Variants in RIN2 observed in about 807,000 individuals in gnomAD.
The protein encoded by RIN2 is RAB5 interacting protein 2.
RIN2 carries 36 observed loss-of-function variants against 78.0 expected under a neutral mutation model. The ratio of observed to expected loss-of-function variants is 0.46; its 90% confidence interval spans 0.35 to 0.61. The LOEUF is 0.61. Among genes scored for constraint, RIN2 ranks in the 20% least tolerant of loss-of-function variants. The probability of loss-of-function intolerance (pLI) is 0.00; values close to 1 mark genes in which losing one functional copy is unlikely to be tolerated. For missense variants in RIN2, 1,087 were observed against 1,159.7 expected, an observed-to-expected ratio of 0.94 and a Z score of 0.91; for synonymous variants, 466 against 466.8, an observed-to-expected ratio of 1.00 and a Z score of 0.02.
intron 1 of RIN2, among the ~76,000 whole-genome samples, chr20:19,796,519 T>C (rs942470226): frequency 3.3e-5 from 5 of 152,096 alleles, no homozygotes; most frequent in African/African-American, 1.2e-4. Flanking sequence ...TTCTACAAAA[T>C]GTTTGTTTCT....
intron 3 of RIN2, among the ~76,000 whole-genome samples, chr20:19,901,935 G>A (rs961730437): frequency 2.7e-5 from 4 of 147,334 alleles, no homozygotes; most frequent in Admixed American, 7.0e-5. Flanking sequence ...AGAATCACTC[G>A]AACCCGGGAG....
At chr20:19,870,601 C>T (rs946568348) in intron 2 of RIN2, among the ~76,000 whole-genome samples, 10 of 152,110 alleles carry the variant, frequency 6.6e-5, no homozygotes, top group African/African-American at 1.4e-4. Context: ...GAGCCAAGAT[C>T]GCACCACTGC....
intron 2 of RIN2, chr20:19,886,582 T>C: frequency 1.3e-6 from 1 of 763,606 alleles, no homozygotes; most frequent in African/African-American, 1.8e-5. Flanking sequence ...TCCTTAGTCC[T>C]ATGAGGGCTG....
chr20:19,827,755 G>A (rs2036137275), intron 2 of RIN2, among the ~76,000 whole-genome samples: 1 of 150,814 alleles, frequency 6.6e-6, no homozygotes, highest in South Asian at 2.1e-4. Flanking sequence ...TTCAGCTGAT[G>A]TAAATTAATT....
rs1226712740 is a variant in RIN2 at position 19,889,570 on chromosome 20, C to A, written c.-32C>A. ...TAAAAATGTCTCTACCTTCAGGAGT[C>A]CCCGGCGTGCAGTGGAGCCTCGCTG... On this transcript the variant is annotated 5_prime_UTR_variant, in exon 3 of 13. Transcript: ENST00000255006. 8 of 1,546,778 alleles carry A rather than the reference C, an allele frequency of 5.2e-6. No homozygotes were observed. The highest frequency in any genetic ancestry group is 2.5e-5 in the East Asian group (1 of 40,564).
chr20:19,834,036 C>G (rs1037138245), intron 2 of RIN2, among the ~76,000 whole-genome samples: 25 of 152,120 alleles, frequency 1.6e-4, no homozygotes, highest in African/African-American at 5.8e-4. Flanking sequence ...TAACCCACAA[C>G]TAAGCATCAC....
intron 1 of RIN2, among the ~76,000 whole-genome samples, chr20:19,790,708 G>T (rs2034862111): frequency 6.6e-6 from 1 of 152,022 alleles, no homozygotes; most frequent in African/African-American, 2.4e-5. Flanking sequence ...CCTTTGGGTG[G>T]CCTTATCTGG....
At chr20:19,851,026 GAAGGAAGGAAGGAAGGAAGGAAGGAGAA>G (rs768437702) in intron 2 of RIN2, among the ~76,000 whole-genome samples, 2 of 109,364 alleles carry the variant, frequency 1.8e-5, no homozygotes, top group Admixed American at 9.1e-5. Context: ...AGGAAGGAAG[GAAGGAAGGAAGGAAGGAAGGAAGGAGAA>G]AGAAAGGAAG....
At chr20:19,942,201 A>C (rs1242872174) in intron 4 of RIN2, among the ~76,000 whole-genome samples, 1 of 152,150 alleles carries the variant, frequency 6.6e-6, no homozygotes, top group Non-Finnish European at 1.5e-5. Flanking sequence ...ACACAACCTA[A>C]GGAGGGAAAA....
intron 7 of RIN2, among the ~76,000 whole-genome samples, chr20:19,965,535 A>T (rs1010371258): frequency 2.0e-5 from 3 of 152,210 alleles, no homozygotes; most frequent in African/African-American, 7.2e-5. Context: ...CTTCAGGCCA[A>T]CTGGGTGCTC....
chr20:19,858,765 C>G (rs972041740), intron 2 of RIN2, among the ~76,000 whole-genome samples: 9 of 152,138 alleles, frequency 5.9e-5, no homozygotes, highest in African/African-American at 1.9e-4. Context: ...CTAAAGATGT[C>G]AATAATTCCA....
At chr20:19,976,129 T>C (rs1442045978) in intron 9 of RIN2, among the ~76,000 whole-genome samples, 2 of 152,254 alleles carry the variant, frequency 1.3e-5, no homozygotes, top group Non-Finnish European at 2.9e-5. Context: ...TGTGCATACA[T>C]ACAAAGGTAG....
At chr20:19,955,433 C>CT (rs1473216163) in intron 4 of RIN2, among the ~76,000 whole-genome samples, 1 of 151,984 alleles carries the variant, frequency 6.6e-6, no homozygotes. Context: ...AACTCCCAGG[C>CT]TAGAGCCATC....
rs776308384 is a variant in RIN2, at chr20:19,783,744, C to T, written c.-162-15878C>T. On this transcript the variant is annotated intron_variant, in intron 1 of 12. Coordinates refer to ENST00000255006, the MANE Select transcript of RIN2 (RefSeq NM_018993.4). ...ATGGACAGCTAGAGCTTACCCCTGC[C>T]GGGAAGCTGACTATCCCACGAGGGG... is the stretch of plus-strand genomic sequence containing the variant. Among the ~76,000 whole-genome samples, 8 of 152,066 alleles carry T rather than the reference C, an allele frequency of 5.3e-5. No homozygotes were observed. The East Asian group carries it at 7.7e-4, about 15-fold the overall frequency.
intron 9 of RIN2, among the ~76,000 whole-genome samples, chr20:19,978,772 G>A (rs979180187): frequency 1.3e-5 from 2 of 152,134 alleles, no homozygotes; most frequent in Non-Finnish European, 2.9e-5. Flanking sequence ...GCCACATACT[G>A]GGCTTCCCTC....
chr20:19,877,767 T>C (rs1426184470), intron 2 of RIN2, among the ~76,000 whole-genome samples: 2 of 152,014 alleles, frequency 1.3e-5, no homozygotes, highest in African/African-American at 4.8e-5. Flanking sequence ...GCCTATAATC[T>C]CAGCACTTTG....
At chr20:19,764,248 TC>T (rs1387213444) in intron 1 of RIN2, among the ~76,000 whole-genome samples, 1 of 152,216 alleles carries the variant, frequency 6.6e-6, no homozygotes, top group Non-Finnish European at 1.5e-5. Context: ...AATACTGAAC[TC>T]CCCCATTGCA....
intron 3 of RIN2, among the ~76,000 whole-genome samples, chr20:19,908,878 C>T (rs568604101): frequency 8.5e-5 from 13 of 152,130 alleles, no homozygotes; most frequent in Non-Finnish European, 1.8e-4. Context: ...GTTTGTTTAT[C>T]TTTGAGATGG....
At chr20:19,995,899 C>T (rs2042946416) in intron 11 of RIN2, among the ~76,000 whole-genome samples, 1 of 152,116 alleles carries the variant, frequency 6.6e-6, no homozygotes, top group Admixed American at 6.5e-5. Context: ...AGTGTTGCCA[C>T]GAGTCTGGAC....
Sources: allele counts gnomAD v4.1 joint callset (sites outside exome capture counted in the v4.1 genomes callset), GRCh38; gene constraint gnomAD v4.1.1; transcripts MANE v1.5; gene names NCBI Gene and HGNC (gene_info 2026-07-23, HGNC 2026-07-21).